The following TM2D1 variants were observed in gnomAD, a reference collection of about 807,000 sequenced individuals.
TM2D1 encodes TM2 domain containing 1, also known as TM2 domain-containing protein 1.
Under a neutral mutation model 28.4 loss-of-function variants are expected in TM2D1, and 15 were observed. The ratio of observed to expected loss-of-function variants is 0.53; its 90% CI spans 0.35 to 0.81. TM2D1 has a LOEUF of 0.81. Ranked by LOEUF, TM2D1 falls within the 40% of genes least tolerant of loss-of-function variation. The probability of loss-of-function intolerance (pLI) is 0.01; values close to 1 mark genes in which losing one functional copy is unlikely to be tolerated. For synonymous variants in TM2D1, 93 were observed against 96.2 expected (o/e 0.97, Z 0.20); for missense variants, 236 against 254.9 (o/e 0.93, Z 0.50).
At chr1:61,713,799 T>A (rs1644496462) in intron 2 of TM2D1, among the ~76,000 whole-genome samples, 1 of 152,154 alleles carries the variant, frequency 6.6e-6, no homozygotes, top group African/African-American at 2.4e-5. Flanking sequence ...CTGGGGATAT[T>A]TTCCAATATA....
intron 6 of TM2D1, among the ~76,000 whole-genome samples, chr1:61,682,233 G>T (rs1644249593): frequency 6.6e-6 from 1 of 152,158 alleles, no homozygotes; most frequent in Non-Finnish European, 1.5e-5. Flanking sequence ...AGATAGAGTT[G>T]ACTGAAAACC....
chr1:61,712,077 T>C (rs549786120), intron 2 of TM2D1, among the ~76,000 whole-genome samples: 24 of 152,190 alleles, frequency 1.6e-4, no homozygotes, highest in African/African-American at 5.3e-4. Flanking sequence ...GGGGCATTTT[T>C]ACTCCCCAGA....
At chr1:61,708,450 C>G (rs1644455332) in intron 3 of TM2D1, among the ~76,000 whole-genome samples, 1 of 152,228 alleles carries the variant, frequency 6.6e-6, no homozygotes, top group South Asian at 2.1e-4. Flanking sequence ...AAGACAGTGT[C>G]TCACTATGCT....
At chr1:61,699,451 A>G (rs1346832620) in intron 4 of TM2D1, 1 of 152,290 alleles carries the variant, frequency 6.6e-6, no homozygotes, top group Non-Finnish European at 1.5e-5. Flanking sequence ...AGATACTCAA[A>G]GCATTTTATA....
chr1:61,692,246 CAT>C (rs2148039320), intron 5 of TM2D1, among the ~76,000 whole-genome samples: 1 of 151,690 alleles, frequency 6.6e-6, no homozygotes, highest in South Asian at 2.1e-4. Flanking sequence ...TTTCAGGAAA[CAT>C]AGCAACATGT....
At chr1:61,714,494 T>C (rs1407024263) in intron 2 of TM2D1, among the ~76,000 whole-genome samples, 1 of 151,642 alleles carries the variant, frequency 6.6e-6, no homozygotes, top group Non-Finnish European at 1.5e-5. Flanking sequence ...TGAGCTGAGG[T>C]CGCGCCACTG....
intron 5 of TM2D1, among the ~76,000 whole-genome samples, chr1:61,685,570 T>C (rs1570092350): frequency 6.6e-6 from 1 of 152,198 alleles, no homozygotes; most frequent in Non-Finnish European, 1.5e-5. Context: ...TAAAATACCA[T>C]CTCTGCCAAC....
intron 2 of TM2D1, among the ~76,000 whole-genome samples, chr1:61,720,512 G>C (rs1031595237): frequency 6.6e-6 from 1 of 152,156 alleles, no homozygotes. Context: ...AAAGTGATGG[G>C]ATTATAGGTG....
chr1:61,693,843 T>C (rs918159019), intron 5 of TM2D1, among the ~76,000 whole-genome samples: 2 of 152,222 alleles, frequency 1.3e-5, no homozygotes, highest in Non-Finnish European at 2.9e-5. Context: ...GCTCCATAAA[T>C]GCTTGTTGAA....
At chr1:61,683,374 A>AC in intron 6 of TM2D1, 43 bp downstream of exon 6, 1 of 625,692 alleles carries the variant, frequency 1.6e-6, no homozygotes, top group South Asian at 4.3e-5. Flanking sequence ...TATATGAATA[A>AC]TATACCACTA....
In TM2D1 at chr1:61,725,071, G is replaced by A. The variant is rs532602007; in HGVS notation, c.50C>T (p.Ala17Val). 1 of 1,613,904 alleles carries A rather than the reference G, an allele frequency of 6.2e-7. No individual in the cohort carries two copies. Among genetic ancestry groups the A allele is most frequent in the Admixed American group, 1.7e-5 (1 of 60,034 alleles). Residue 17 changes from alanine (A) to valine (V), a missense_variant, in exon 1 of 7, where the codon GCC (alanine) becomes GTC (valine). Transcript: ENST00000606498. Reference protein sequence around the residue: ...SGPSAPEAVTARLVGVLWFVS... With the variant: ...SGPSAPEAVTVRLVGVLWFVS... ...GAACCACAGGACACCAACGAGTCTG[G>A]CCGTCACGGCCTCCGGAGCAGACGG...
At chr1:61,691,962 T>C (rs1312836899) in intron 5 of TM2D1, among the ~76,000 whole-genome samples, 2 of 138,124 alleles carry the variant, frequency 1.4e-5, no homozygotes, top group Non-Finnish European at 3.1e-5. Context: ...TATATATATG[T>C]ATATATATAT....
intron 2 of TM2D1, among the ~76,000 whole-genome samples, chr1:61,720,185 T>C (rs1005186575): frequency 6.6e-6 from 1 of 152,110 alleles, no homozygotes; most frequent in Admixed American, 6.5e-5. Context: ...ATTTCAGTGA[T>C]AGAAAAATTG....
At chr1:61,690,324 G>A (rs12031230) in intron 5 of TM2D1, among the ~76,000 whole-genome samples, 36,082 of 151,536 alleles carry the variant, frequency 0.24, 4,411 homozygotes, top group South Asian at 0.39. Flanking sequence ...AGGTGTGGTG[G>A]TTGGCACCTG....
At chr1:61,717,791 T>C (rs987106158) in intron 2 of TM2D1, among the ~76,000 whole-genome samples, 3 of 151,606 alleles carry the variant, frequency 2.0e-5, no homozygotes, top group African/African-American at 7.3e-5. Context: ...CCAGAAATAA[T>C]GTAATCAGAC....
intron 2 of TM2D1, among the ~76,000 whole-genome samples, chr1:61,723,035 T>TGCCCTCCA (rs1053990952): frequency 1.3e-5 from 2 of 152,232 alleles, no homozygotes; most frequent in African/African-American, 2.4e-5. Context: ...TCTGCCCTCC[T>TGCCCTCCA]GCCCTCCAGT....
chr1:61,707,179 A>T (rs1286623), intron 3 of TM2D1, among the ~76,000 whole-genome samples: 142,638 of 152,242 alleles, frequency 0.94, 66,884 homozygotes, highest in South Asian at 0.96. Flanking sequence ...GGCTTGAACC[A>T]GGAAGGTTGA....
At chr1:61,694,809 C>G (rs772328826) in intron 4 of TM2D1, 39 bp from the exon 5 acceptor site, 1 of 1,371,746 alleles carries the variant, frequency 7.3e-7, no homozygotes, top group Non-Finnish European at 1.0e-6. Context: ...TCTGGAAGGT[C>G]TTCTAAATAT....
chr1:61,691,941 A>ATATATATATATATG (rs1644330584), intron 5 of TM2D1, among the ~76,000 whole-genome samples: 9 of 117,658 alleles, frequency 7.6e-5, no homozygotes, highest in Admixed American at 7.4e-4. Context: ...AAATATATAT[A>ATATATATATATATG]TATATATATA....
Sources: gnomAD v4.1 joint callset for allele counts (sites outside exome capture counted in the v4.1 genomes callset) on GRCh38, gnomAD v4.1.1 for gene constraint, MANE v1.5 for transcripts, NCBI Gene and HGNC (gene_info 2026-07-23, HGNC 2026-07-21) for gene names.